The following EYS variants were observed in gnomAD, a reference collection of about 807,000 sequenced individuals.
EYS encodes the protein EGF-like photoreceptor maintenance factor, also known as protein eyes shut homolog.
In EYS, 250 loss-of-function variants were observed where a neutral mutation model predicts 282.1. That is an observed-to-expected ratio of 0.89 (90% CI 0.80 to 0.98). EYS has a LOEUF of 0.98. EYS is among the 50% of genes least tolerant of loss of function. The pLI is 0.00. For missense variants in EYS, 4,016 were observed against 3,709.0 expected, an observed-to-expected ratio of 1.08 and a Z score of -2.15; for synonymous variants, 1,355 against 1,282.9, an observed-to-expected ratio of 1.06 and a Z score of -1.20.
intron 31 of EYS, among the ~76,000 whole-genome samples, chr6:64,153,877 G>C (rs1774824036): frequency 6.6e-6 from 1 of 152,038 alleles, no homozygotes; most frequent in Admixed American, 6.6e-5. Flanking sequence ...CCTGTAAGGG[G>C]AAAATACAAA....
At chr6:65,073,238 C>T (rs1202945257) in intron 12 of EYS, among the ~76,000 whole-genome samples, 1 of 151,266 alleles carries the variant, frequency 6.6e-6, no homozygotes, top group Non-Finnish European at 1.5e-5. Context: ...ACATATTATG[C>T]CAGAAAAAAT....
chr6:64,284,652 C>T (rs1768431858), intron 30 of EYS, among the ~76,000 whole-genome samples: 1 of 152,216 alleles, frequency 6.6e-6, no homozygotes, highest in Non-Finnish European at 1.5e-5. Flanking sequence ...CCCACCTCTG[C>T]AGCAAACTTC....
intron 5 of EYS, among the ~76,000 whole-genome samples, chr6:65,483,024 C>A (rs767123233): frequency 2.1e-4 from 32 of 152,162 alleles, no homozygotes; most frequent in Admixed American, 2.0e-4. Context: ...AGCAATAAAT[C>A]TTATAGTTAT....
At chr6:64,463,646 A>C (rs1224425612) in intron 26 of EYS, among the ~76,000 whole-genome samples, 2 of 152,238 alleles carry the variant, frequency 1.3e-5, no homozygotes, top group African/African-American at 4.8e-5. Context: ...ATAAGAGCAC[A>C]AGAAGATATT....
intron 35 of EYS, among the ~76,000 whole-genome samples, chr6:63,872,780 C>T (rs1254939345): frequency 3.3e-5 from 5 of 149,264 alleles, no homozygotes; most frequent in Admixed American, 2.0e-4. Flanking sequence ...GCCTGGCCCA[C>T]CTAAAATATT....
At chr6:65,414,999 G>T (rs753457265) in intron 5 of EYS, among the ~76,000 whole-genome samples, 13 of 152,018 alleles carry the variant, frequency 8.6e-5, no homozygotes, top group Admixed American at 2.6e-4. Flanking sequence ...AAGGAAGGGG[G>T]AATGTAGGAG....
intron 2 of EYS, among the ~76,000 whole-genome samples, chr6:65,618,098 T>G (rs1766288494): frequency 6.6e-6 from 1 of 152,176 alleles, no homozygotes; most frequent in African/African-American, 2.4e-5. Flanking sequence ...AAATGGTATT[T>G]CTAGTTCTAG....
At chr6:64,691,475 G>A (rs1188695683) in intron 22 of EYS, among the ~76,000 whole-genome samples, 1 of 152,078 alleles carries the variant, frequency 6.6e-6, no homozygotes, top group African/African-American at 2.4e-5. Flanking sequence ...ATATGCAACA[G>A]AAACAGTTTG....
At chr6:65,437,144 A>G (rs1173468236) in intron 5 of EYS, among the ~76,000 whole-genome samples, 1 of 152,152 alleles carries the variant, frequency 6.6e-6, no homozygotes, top group African/African-American at 2.4e-5. Context: ...AATGTTGCAG[A>G]TGATTCCACT....
intron 8 of EYS, among the ~76,000 whole-genome samples, chr6:65,373,666 A>C (rs1204227736): frequency 6.6e-6 from 1 of 152,156 alleles, no homozygotes; most frequent in African/African-American, 2.4e-5. Context: ...CAATATGATT[A>C]ATAACCTTCA....
At chr6:64,503,146 C>A (rs1384644731) in intron 26 of EYS, among the ~76,000 whole-genome samples, 1 of 152,126 alleles carries the variant, frequency 6.6e-6, no homozygotes, top group South Asian at 2.1e-4. Flanking sequence ...TTTTTACATG[C>A]TTTACTTAAT....
chr6:65,118,602 G>A (rs953388416), intron 12 of EYS, among the ~76,000 whole-genome samples: 9 of 152,164 alleles, frequency 5.9e-5, no homozygotes, highest in African/African-American at 2.2e-4. Flanking sequence ...CTCGGAACCT[G>A]TGATTGCTGT....
Position 63,959,007 on chromosome 6 carries a change from A to G in EYS, c.7055+25376T>C, listed in dbSNP as rs1364057217. ...CTTCCATTCAGAAGCCTATGGGTCC[A>G]GGTGTATTTTGACTTTCAAGTCTTA... On this transcript the variant is annotated intron_variant, in intron 35 of 42. Transcript: ENST00000503581. 3.3e-5 allele frequency among the ~76,000 whole-genome samples: 5 copies of G among 152,194 alleles called. No homozygotes were observed. The East Asian group carries it at 7.7e-4, about 23-fold the overall frequency.
At chr6:64,447,998 G>A (rs529725395) in intron 26 of EYS, among the ~76,000 whole-genome samples, 122 of 152,260 alleles carry the variant, frequency 8.0e-4, no homozygotes, top group Middle Eastern at 3.4e-3. Flanking sequence ...CATAAGTGCC[G>A]GACAGTGGGT....
At chr6:65,327,339 A>T (rs969507199) in intron 11 of EYS, among the ~76,000 whole-genome samples, 1 of 151,670 alleles carries the variant, frequency 6.6e-6, no homozygotes, top group Non-Finnish European at 1.5e-5. Context: ...AATTTAATAG[A>T]TGTTAATAAC....
intron 12 of EYS, among the ~76,000 whole-genome samples, chr6:65,207,355 A>G (rs1222755565): frequency 7.2e-6 from 1 of 138,100 alleles, no homozygotes; most frequent in Non-Finnish European, 1.6e-5. Flanking sequence ...ACTAAAAGAC[A>G]CTGATGAAAA....
chr6:64,837,867 G>A (rs1442701003), intron 19 of EYS, among the ~76,000 whole-genome samples: 1 of 151,200 alleles, frequency 6.6e-6, no homozygotes, highest in Admixed American at 6.6e-5. Flanking sequence ...GAGAGTGAGA[G>A]GAGATTGAGT....
At chr6:64,125,503 G>A (rs1773748454) in intron 31 of EYS, among the ~76,000 whole-genome samples, 1 of 151,900 alleles carries the variant, frequency 6.6e-6, no homozygotes, top group Admixed American at 6.6e-5. Flanking sequence ...ACTGTCGGCC[G>A]GGCGCGGTGG....
At chr6:64,251,401 G>T (rs993710602) in intron 30 of EYS, among the ~76,000 whole-genome samples, 1 of 152,120 alleles carries the variant, frequency 6.6e-6, no homozygotes, top group Non-Finnish European at 1.5e-5. Flanking sequence ...AGCTAGGGTT[G>T]CTTCTGATGT....
Sources: allele counts gnomAD v4.1 joint callset (sites outside exome capture counted in the v4.1 genomes callset), GRCh38; gene constraint gnomAD v4.1.1; transcripts MANE v1.5; gene names NCBI Gene and HGNC (gene_info 2026-07-23, HGNC 2026-07-21).